RHOT1: variants seen among roughly 807,000 people sequenced by gnomAD.
RHOT1 encodes mitochondrial Rho GTPase 1.
Under a neutral mutation model 95.3 loss-of-function variants are expected in RHOT1, and 27 were observed. The observed-to-expected ratio is 0.28, with a 90% CI of 0.21 to 0.39. The LOEUF is 0.39. Ranked by LOEUF, RHOT1 falls within the 10% of genes least tolerant of loss-of-function variation. The pLI, the probability that RHOT1 is intolerant of heterozygous loss-of-function variation, is 1.00. For synonymous variants in RHOT1, 227 were observed against 263.5 expected (o/e 0.86, Z 1.34); for missense variants, 578 against 786.7 (o/e 0.73, Z 3.17).
chr17:32,180,224 A>T (rs1406372358), intron 6 of RHOT1: 3 of 154,540 alleles, frequency 1.9e-5, no homozygotes, highest in African/African-American at 7.2e-5. Flanking sequence ...AAAGGGGGAA[A>T]TGTGGGGAAA....
At chr17:32,184,883 C>G (rs1001843059) in intron 8 of RHOT1, among the ~76,000 whole-genome samples, 16 of 151,894 alleles carry the variant, frequency 1.1e-4, no homozygotes, top group African/African-American at 3.4e-4. Flanking sequence ...TACGAATAGA[C>G]TGTTGTAAAC....
chr17:32,151,115 C>A, intron 1 of RHOT1: 1 of 880,840 alleles, frequency 1.1e-6, no homozygotes, highest in East Asian at 2.4e-5. Context: ...CACATCCTCT[C>A]CAATTTACCA....
At chr17:32,209,415 G>T (rs148455732) in intron 18 of RHOT1, 1 of 1,611,018 alleles carries the variant, frequency 6.2e-7, no homozygotes, top group African/African-American at 1.3e-5. Context: ...GAGAATTTGA[G>T]AAAAATCTGG....
chr17:32,175,461 G>T, intron 4 of RHOT1, 99 bp downstream of exon 4: 3 of 1,219,152 alleles, frequency 2.5e-6, no homozygotes, highest in Non-Finnish European at 3.6e-6. Context: ...TGGTTTTTGT[G>T]TTTTTTTTGG....
chr17:32,161,134 A>G (rs1262691645), intron 1 of RHOT1, among the ~76,000 whole-genome samples: 2 of 152,220 alleles, frequency 1.3e-5, no homozygotes, highest in Non-Finnish European at 2.9e-5. Context: ...GGAGAACTAA[A>G]TGTATCACGC....
intron 1 of RHOT1, 72 bp downstream of exon 1, chr17:32,142,801 C>CGCCCCTGCA: frequency 7.6e-7 from 1 of 1,316,844 alleles, no homozygotes; most frequent in Non-Finnish European, 1.0e-6. Flanking sequence ...TCGCCCCTGT[C>CGCCCCTGCA]GCCCCTGCAG....
At chr17:32,223,959 A>G (rs553821374) in intron 19 of RHOT1, among the ~76,000 whole-genome samples, 31 of 152,188 alleles carry the variant, frequency 2.0e-4, no homozygotes, top group Admixed American at 9.8e-4. Context: ...AATCCATCAC[A>G]TTACGTTATG....
chr17:32,151,881 CAAAAAA>C (rs60313146), intron 1 of RHOT1, among the ~76,000 whole-genome samples: 4 of 60,820 alleles, frequency 6.6e-5, no homozygotes, highest in Non-Finnish European at 7.5e-5. Context: ...GACTCCGTCT[CAAAAAA>C]AAAAAAAAAA....
intron 6 of RHOT1, among the ~76,000 whole-genome samples, chr17:32,181,061 G>A (rs2035597653): frequency 1.3e-5 from 2 of 152,216 alleles, no homozygotes; most frequent in South Asian, 2.1e-4. Context: ...TATGGTGGTC[G>A]GTCTTTTCAA....
At chr17:32,193,491 A>G (rs2036648414) in intron 10 of RHOT1, among the ~76,000 whole-genome samples, 1 of 152,170 alleles carries the variant, frequency 6.6e-6, no homozygotes, top group Non-Finnish European at 1.5e-5. Flanking sequence ...GGTCCACCTG[A>G]TGGAAGGAGA....
intron 18 of RHOT1, 106 bp from the exon 19 acceptor site, chr17:32,211,010 G>A: frequency 9.0e-7 from 1 of 1,107,958 alleles, no homozygotes; most frequent in Non-Finnish European, 1.3e-6. Flanking sequence ...TTTCTACAAA[G>A]AGTGTTGCTT....
rs371213821 is a variant in RHOT1 at position 32,208,122 on chromosome 17, A to G, written c.1552A>G (p.Ser518Gly). ...ARIFKQHFMD[S>G]RIPCLIVAAK... ...TATTCCATAGCAACACTTTATGGAC[A>G]GCAGAATACCTTGCTTAATCGTAGC... Residue 518 changes from serine (S) to glycine (G), a missense_variant, in exon 18 of 20, where the codon AGC becomes GGC. Transcript: ENST00000545287. 4 of 1,613,882 alleles carry G rather than the reference A, an allele frequency of 2.5e-6. No individual in the cohort carries two copies. Among genetic ancestry groups the G allele is most frequent in the African/African-American group, 1.3e-5 (1 of 74,930 alleles).
At chr17:32,182,110 C>G (rs1054731830) in intron 6 of RHOT1, among the ~76,000 whole-genome samples, 4 of 152,194 alleles carry the variant, frequency 2.6e-5, no homozygotes, top group South Asian at 4.1e-4. Flanking sequence ...TCCCACTACT[C>G]TATCCCCCTA....
intron 1 of RHOT1, among the ~76,000 whole-genome samples, chr17:32,149,625 A>ATGTGTGTGTGTGTGTGTG (rs1454201227): frequency 1.6e-4 from 14 of 88,306 alleles, no homozygotes; most frequent in South Asian, 4.3e-4. Context: ...ATATATATAT[A>ATGTGTGTGTGTGTGTGTG]TATATATATA....
intron 16 of RHOT1, among the ~76,000 whole-genome samples, chr17:32,206,086 G>T (rs963888657): frequency 2.0e-5 from 3 of 151,318 alleles, no homozygotes; most frequent in Admixed American, 6.6e-5. Flanking sequence ...ATGGGCAGCT[G>T]ACTTAATCTT....
At chr17:32,174,578 G>A (rs1212796456) in intron 3 of RHOT1, among the ~76,000 whole-genome samples, 1 of 152,180 alleles carries the variant, frequency 6.6e-6, no homozygotes, top group Non-Finnish European at 1.5e-5. Flanking sequence ...CATATGGAAA[G>A]ATATTAAAAA....
At chr17:32,216,992 T>C (rs2038516920) in intron 19 of RHOT1, among the ~76,000 whole-genome samples, 1 of 152,220 alleles carries the variant, frequency 6.6e-6, no homozygotes, top group African/African-American at 2.4e-5. Flanking sequence ...GTTTATGTTA[T>C]AGATTTTCAT....
At chr17:32,200,671 A>T (rs13380806) in intron 13 of RHOT1, among the ~76,000 whole-genome samples, 1 of 151,902 alleles carries the variant, frequency 6.6e-6, no homozygotes, top group African/African-American at 2.4e-5. Context: ...ATACTTGGGG[A>T]GCTGATGCAG....
At chr17:32,204,109 T>TA (rs1201017821) in intron 16 of RHOT1, 136 bp downstream of exon 16, 1 of 640,110 alleles carries the variant, frequency 1.6e-6, no homozygotes, top group Non-Finnish European at 2.6e-6. Context: ...TAATTTTTTT[T>TA]AGAGACACGG....
Sources: gnomAD v4.1 joint callset for allele counts (sites outside exome capture counted in the v4.1 genomes callset) on GRCh38, gnomAD v4.1.1 for gene constraint, MANE v1.5 for transcripts, NCBI Gene and HGNC (gene_info 2026-07-23, HGNC 2026-07-21) for gene names.